Variants in XKR4 observed in about 807,000 individuals in gnomAD.
XKR4 encodes XK-related protein 4.
In XKR4, 12 loss-of-function variants were observed where a neutral mutation model predicts 53.9. The ratio of observed to expected loss-of-function variants is 0.22; its 90% CI spans 0.14 to 0.36. The LOEUF (loss-of-function observed/expected upper bound fraction) is 0.36. XKR4 is among the 10% of genes least tolerant of loss of function. The pLI, the probability that XKR4 is intolerant of heterozygous loss-of-function variation, is 1.00. For missense variants in XKR4, 799 were observed against 859.5 expected (o/e 0.93, Z 0.88); for synonymous variants, 354 against 362.4 (o/e 0.98, Z 0.26).
At chr8:55,257,136 T>G (rs770599521) in intron 1 of XKR4, among the ~76,000 whole-genome samples, 83 of 152,100 alleles carry the variant, frequency 5.5e-4, no homozygotes, top group Admixed American at 3.3e-3. Context: ...AACACCAACA[T>G]TCAGACCATG....
chr8:55,334,159 T>C (rs936293861), intron 1 of XKR4, among the ~76,000 whole-genome samples: 2 of 152,174 alleles, frequency 1.3e-5, no homozygotes, highest in East Asian at 3.8e-4. Flanking sequence ...CATTACCTCA[T>C]AGATGTCAGA....
intron 1 of XKR4, among the ~76,000 whole-genome samples, chr8:55,311,268 A>G (rs1008108865): frequency 2.0e-5 from 3 of 152,178 alleles, no homozygotes; most frequent in Non-Finnish European, 4.4e-5. Flanking sequence ...TGTCATGGGG[A>G]AACACATGAG....
chr8:55,154,504 G>A (rs1816880264), intron 1 of XKR4, among the ~76,000 whole-genome samples: 1 of 152,132 alleles, frequency 6.6e-6, no homozygotes, highest in African/African-American at 2.4e-5. Context: ...CAAGAAAAAT[G>A]TACTTAATGC....
chr8:55,229,814 C>G (rs1387319000), intron 1 of XKR4, among the ~76,000 whole-genome samples: 1 of 151,974 alleles, frequency 6.6e-6, no homozygotes, highest in Non-Finnish European at 1.5e-5. Context: ...GACATTCTCA[C>G]TTATGCATCT....
chr8:55,521,359 T>C (rs942548266), intron 2 of XKR4, among the ~76,000 whole-genome samples: 1 of 152,218 alleles, frequency 6.6e-6, no homozygotes. Context: ...ATTTCGCATT[T>C]CTCTCACCTT....
chr8:55,481,786 C>T (rs1400118308), intron 2 of XKR4, among the ~76,000 whole-genome samples: 1 of 152,082 alleles, frequency 6.6e-6, no homozygotes, highest in African/African-American at 2.4e-5. Context: ...CCAAAAGACA[C>T]ATGAAAAAAT....
At chr8:55,257,182 A>G (rs1238338193) in intron 1 of XKR4, among the ~76,000 whole-genome samples, 1 of 152,220 alleles carries the variant, frequency 6.6e-6, no homozygotes, top group Non-Finnish European at 1.5e-5. Context: ...AAGCTGATCC[A>G]AACAGGAGCA....
chr8:55,469,925 G>A (rs1009872192), intron 2 of XKR4, among the ~76,000 whole-genome samples: 21 of 152,128 alleles, frequency 1.4e-4, no homozygotes, highest in East Asian at 1.2e-3. Context: ...GTCCTAAGAG[G>A]TGAAATATTT....
chr8:55,326,280 G>C (rs4276667), intron 1 of XKR4, among the ~76,000 whole-genome samples: 1 of 152,116 alleles, frequency 6.6e-6, no homozygotes, highest in Non-Finnish European at 1.5e-5. Flanking sequence ...TACTATGCCA[G>C]GCCCTGTCAT....
At chr8:55,127,026 A>G (rs1295237782) in intron 1 of XKR4, among the ~76,000 whole-genome samples, 1 of 152,162 alleles carries the variant, frequency 6.6e-6, no homozygotes, top group Non-Finnish European at 1.5e-5. Context: ...CAGATCAGAA[A>G]ACTAATCATA....
At chr8:55,252,750 A>T (rs975289456) in intron 1 of XKR4, among the ~76,000 whole-genome samples, 6 of 152,210 alleles carry the variant, frequency 3.9e-5, no homozygotes, top group African/African-American at 9.6e-5. Context: ...GTGTCAGTCC[A>T]TGGGAAAGCC....
intron 2 of XKR4, among the ~76,000 whole-genome samples, chr8:55,496,453 G>A (rs1474554311): frequency 6.6e-6 from 1 of 152,248 alleles, no homozygotes; most frequent in East Asian, 1.9e-4. Flanking sequence ...CCTTACAAAA[G>A]GAGAGATCTT....
chr8:55,325,805 A>T (rs1209307313), intron 1 of XKR4, among the ~76,000 whole-genome samples: 1 of 152,226 alleles, frequency 6.6e-6, no homozygotes, highest in African/African-American at 2.4e-5. Flanking sequence ...TTGTCTATGT[A>T]AGAGACACTA....
At chr8:55,272,512 C>T (rs932179136) in intron 1 of XKR4, among the ~76,000 whole-genome samples, 9 of 152,186 alleles carry the variant, frequency 5.9e-5, no homozygotes, top group Non-Finnish European at 1.2e-4. Context: ...CCTCAGGATA[C>T]AGGCTTAGAA....
intron 1 of XKR4, among the ~76,000 whole-genome samples, chr8:55,241,071 C>A (rs1176594746): frequency 6.6e-6 from 1 of 152,204 alleles, no homozygotes; most frequent in East Asian, 1.9e-4. Flanking sequence ...GTGCTCACAT[C>A]TACTTTAAAA....
intron 1 of XKR4, among the ~76,000 whole-genome samples, chr8:55,310,419 T>C (rs1307290011): frequency 1.3e-5 from 2 of 152,218 alleles, no homozygotes; most frequent in South Asian, 2.1e-4. Context: ...AATGAAACAA[T>C]GTATATGTCA....
intron 1 of XKR4, among the ~76,000 whole-genome samples, chr8:55,303,399 C>T (rs2129377181): frequency 6.6e-6 from 1 of 152,142 alleles, no homozygotes; most frequent in Admixed American, 6.5e-5. Flanking sequence ...TTCGGTTTGC[C>T]AGTATTTTAT....
intron 2 of XKR4, among the ~76,000 whole-genome samples, chr8:55,434,427 G>GTGTGTGTGTGTGTGTGTGTGTGTT (rs559898107): frequency 9.2e-5 from 14 of 151,886 alleles, no homozygotes; most frequent in African/African-American, 3.4e-4. Flanking sequence ...GTGTGTGTGT[G>GTGTGTGTGTGTGTGTGTGTGTGTT]TGTGTGTGTG....
chr8:55,180,584 G>A (rs144658482), intron 1 of XKR4, among the ~76,000 whole-genome samples: 29,370 of 152,108 alleles, frequency 0.19, 3,606 homozygotes, highest in Middle Eastern at 0.34. Flanking sequence ...CCAGGCTGGA[G>A]TGCAATGGTG....
Sources: allele counts gnomAD v4.1 joint callset (sites outside exome capture counted in the v4.1 genomes callset), GRCh38; gene constraint gnomAD v4.1.1; transcripts MANE v1.5; gene names NCBI Gene and HGNC (gene_info 2026-07-23, HGNC 2026-07-21).